The following AGBL4 variants were observed in gnomAD, a reference collection of about 807,000 sequenced individuals.
The protein encoded by AGBL4 is AGBL carboxypeptidase 4, also known as cytosolic carboxypeptidase 6.
In AGBL4, 58 loss-of-function variants were observed where a neutral mutation model predicts 66.4. That is an observed-to-expected ratio of 0.87 (90% CI 0.71 to 1.09). The LOEUF (loss-of-function observed/expected upper bound fraction) is 1.09, where lower values mean the gene tolerates loss of function less well. Among genes scored for constraint, AGBL4 ranks in the 50% least tolerant of loss-of-function variants. The probability of loss-of-function intolerance (pLI) is 0.00; values close to 1 mark genes in which losing one functional copy is unlikely to be tolerated. For missense variants in AGBL4, 579 were observed against 631.0 expected, an observed-to-expected ratio of 0.92 and a Z score of 0.88; for synonymous variants, 234 against 222.9, an observed-to-expected ratio of 1.05 and a Z score of -0.44.
At chr1:49,624,640 T>C (rs1645431101) in intron 3 of AGBL4, among the ~76,000 whole-genome samples, 1 of 152,124 alleles carries the variant, frequency 6.6e-6, no homozygotes, top group African/African-American at 2.4e-5. Flanking sequence ...CTACCTGACA[T>C]TGGAACAGAA....
At chr1:49,524,511 T>C (rs1650507362) in intron 3 of AGBL4, among the ~76,000 whole-genome samples, 1 of 152,076 alleles carries the variant, frequency 6.6e-6, no homozygotes, top group South Asian at 2.1e-4. Context: ...TGGTTAAAGA[T>C]GTATTATAGT....
intron 3 of AGBL4, among the ~76,000 whole-genome samples, chr1:49,323,318 T>A (rs1645163355): frequency 6.6e-6 from 1 of 152,132 alleles, no homozygotes; most frequent in Non-Finnish European, 1.5e-5. Flanking sequence ...TCTCTTGCTC[T>A]GCCGCCAGGC....
chr1:49,445,950 C>T (rs768393684), intron 3 of AGBL4, among the ~76,000 whole-genome samples: 5 of 152,148 alleles, frequency 3.3e-5, no homozygotes, highest in Non-Finnish European at 5.9e-5. Flanking sequence ...CCCCTGAGTT[C>T]AAGTGATTCT....
At chr1:49,782,092 C>T (rs569430935) in intron 2 of AGBL4, among the ~76,000 whole-genome samples, 1 of 151,150 alleles carries the variant, frequency 6.6e-6, no homozygotes. Context: ...CTAAAGCAAG[C>T]AGAAGAAAGA....
chr1:49,914,672 G>A (rs1236930651), intron 1 of AGBL4, among the ~76,000 whole-genome samples: 1 of 152,102 alleles, frequency 6.6e-6, no homozygotes, highest in Non-Finnish European at 1.5e-5. Flanking sequence ...TCATATATTT[G>A]TGATGACAAC....
chr1:49,748,257 T>C (rs1446411082), intron 2 of AGBL4, among the ~76,000 whole-genome samples: 1 of 151,974 alleles, frequency 6.6e-6, no homozygotes, highest in Non-Finnish European at 1.5e-5. Context: ...TGAGAACATG[T>C]GGTGTTTGGT....
chr1:48,757,641 G>C (rs1389143407), intron 6 of AGBL4, among the ~76,000 whole-genome samples: 2 of 152,146 alleles, frequency 1.3e-5, no homozygotes, highest in Non-Finnish European at 2.9e-5. Flanking sequence ...ACCACCCAAA[G>C]ATCTACTGAG....
At chr1:49,915,341 G>A (rs1334044295) in intron 1 of AGBL4, among the ~76,000 whole-genome samples, 1 of 152,138 alleles carries the variant, frequency 6.6e-6, no homozygotes, top group Non-Finnish European at 1.5e-5. Context: ...TTAGCCAAGG[G>A]AAGCCATGAC....
chr1:49,139,223 T>C (rs1243607614), intron 4 of AGBL4, among the ~76,000 whole-genome samples: 1 of 152,118 alleles, frequency 6.6e-6, no homozygotes, highest in Non-Finnish European at 1.5e-5. Flanking sequence ...GGCATAGCCA[T>C]ATTTGTTGGC....
At chr1:49,207,715 C>G (rs867370639) in intron 4 of AGBL4, among the ~76,000 whole-genome samples, 8 of 151,642 alleles carry the variant, frequency 5.3e-5, no homozygotes, top group Non-Finnish European at 8.8e-5. Flanking sequence ...CCTCAGCCCC[C>G]CAAGTAGCTG....
chr1:48,800,421 C>G (rs1444740042), intron 6 of AGBL4, among the ~76,000 whole-genome samples: 2 of 152,088 alleles, frequency 1.3e-5, no homozygotes, highest in Non-Finnish European at 2.9e-5. Flanking sequence ...AATGGTCTAT[C>G]GATTTTGTTT....
intron 6 of AGBL4, among the ~76,000 whole-genome samples, chr1:48,864,131 T>C (rs1320304907): frequency 6.6e-6 from 1 of 151,982 alleles, no homozygotes. Context: ...AGATAAAGGA[T>C]ATGAAAAATC....
intron 3 of AGBL4, among the ~76,000 whole-genome samples, chr1:49,672,751 T>G (rs1646502677): frequency 6.6e-6 from 1 of 150,428 alleles, no homozygotes; most frequent in Admixed American, 6.6e-5. Flanking sequence ...TGAAACCCCG[T>G]CTCAACTAAA....
At chr1:48,918,059 C>T (rs567101914) in intron 5 of AGBL4, among the ~76,000 whole-genome samples, 38 of 152,168 alleles carry the variant, frequency 2.5e-4, no homozygotes, top group Non-Finnish European at 5.3e-4. Context: ...TGGCCTTTCT[C>T]CAGCAGCCAG....
intron 5 of AGBL4, among the ~76,000 whole-genome samples, chr1:48,957,042 C>A (rs1462134950): frequency 6.6e-6 from 1 of 151,984 alleles, no homozygotes; most frequent in African/African-American, 2.4e-5. Flanking sequence ...TTTAAAGAAA[C>A]AAAACACTAC....
chr1:49,048,671 CTTATT>C (rs1644139481), intron 4 of AGBL4, among the ~76,000 whole-genome samples: 1 of 151,922 alleles, frequency 6.6e-6, no homozygotes, highest in Non-Finnish European at 1.5e-5. Context: ...TTATTTTTCT[CTTATT>C]TTGTTTATTA....
At chr1:49,855,969 G>A (rs921436515) in intron 1 of AGBL4, among the ~76,000 whole-genome samples, 2 of 151,668 alleles carry the variant, frequency 1.3e-5, no homozygotes, top group Admixed American at 6.6e-5. Flanking sequence ...GTGGTTTTTT[G>A]AAAAGATAAA....
At chr1:49,067,497 C>T (rs1397535965) in intron 4 of AGBL4, among the ~76,000 whole-genome samples, 1 of 152,118 alleles carries the variant, frequency 6.6e-6, no homozygotes, top group African/African-American at 2.4e-5. Context: ...AAGTTTATTC[C>T]TATTCTATTG....
intron 3 of AGBL4, among the ~76,000 whole-genome samples, chr1:49,643,212 A>T (rs879570893): frequency 3.3e-5 from 5 of 151,906 alleles, no homozygotes; most frequent in Admixed American, 3.3e-4. Flanking sequence ...TATACGCTGC[A>T]TGGGAATAAA....
Sources: gnomAD v4.1 joint callset for allele counts (sites outside exome capture counted in the v4.1 genomes callset) on GRCh38, gnomAD v4.1.1 for gene constraint, MANE v1.5 for transcripts, NCBI Gene and HGNC (gene_info 2026-07-23, HGNC 2026-07-21) for gene names.